OCIAD1: variants seen among roughly 807,000 people sequenced by gnomAD.
OCIAD1 encodes OCIA domain containing 1, also known as OCIA domain-containing protein 1.
Under a neutral mutation model 38.9 loss-of-function variants are expected in OCIAD1, and 29 were observed. The observed-to-expected ratio is 0.74, with a 90% CI of 0.55 to 1.02. The LOEUF is 1.02. Among genes scored for constraint, OCIAD1 ranks in the 50% least tolerant of loss-of-function variants. The pLI is 0.00. For missense variants in OCIAD1, 288 were observed against 289.6 expected, an observed-to-expected ratio of 0.99 and a Z score of 0.04; for synonymous variants, 110 against 92.0, an observed-to-expected ratio of 1.20 and a Z score of -1.12.
Position 48,831,605 on chromosome 4 carries a change from C to T in OCIAD1, c.-6+356C>T, listed in dbSNP as rs371548436. ...TGTAAAGAACTTAAAATGGTATTGT[C>T]TTAAGCGCCGTGTCAGCCCTGACAG... On this transcript the variant is annotated intron_variant, in intron 1 of 8. Transcript: ENST00000264312. 137 of 1,228,954 alleles carry T rather than the reference C, an allele frequency of 1.1e-4. 2 individuals carry two copies. The African/African-American group carries it at 2.0e-3, about 18-fold the overall frequency. The allele number at this position is 1,228,954 out of a possible 1,614,324, so 76.1% of individuals were successfully genotyped here.
chr4:48,805,799 A>G (rs1203204928), intron 1 of OCIAD1, among the ~76,000 whole-genome samples: 1 of 152,188 alleles, frequency 6.6e-6, no homozygotes, highest in African/African-American at 2.4e-5. Context: ...AATGCTGAGC[A>G]ATTTTATTTT....
intron 3 of OCIAD1, among the ~76,000 whole-genome samples, chr4:48,834,301 A>G (rs895911128): frequency 2.0e-5 from 3 of 152,120 alleles, no homozygotes; most frequent in African/African-American, 7.2e-5. Context: ...CCTCCTGAGT[A>G]GCTGGGATTA....
rs1392962984 is a variant in OCIAD1 at position 48,861,661 on chromosome 4, G to A, written c.*899G>A. Reference sequence around the variant, plus strand: ...TGGTCACACCACTGAACTCCAGCCTGTGCGACTGAGTGAGACCCTGTGTCT... The same window carrying A: ...TGGTCACACCACTGAACTCCAGCCTATGCGACTGAGTGAGACCCTGTGTCT... On this transcript the variant is annotated 3_prime_UTR_variant, in exon 9 of 9. Transcript: ENST00000264312. 6.6e-6 allele frequency: 1 copy of A among 152,186 alleles called. No homozygotes were observed. The highest frequency in any genetic ancestry group is 1.5e-5 in the Non-Finnish European group (1 of 68,048). The allele number at this position is 152,186 out of a possible 1,614,324, so 9.4% of individuals were successfully genotyped here.
intron 7 of OCIAD1, among the ~76,000 whole-genome samples, chr4:48,854,489 A>G (rs1425957435): frequency 6.6e-6 from 1 of 152,234 alleles, no homozygotes; most frequent in Admixed American, 6.5e-5. Context: ...ACTGTATTCT[A>G]GACATGCACT....
chr4:48,813,835 C>T (rs1560406897), intron 1 of OCIAD1, among the ~76,000 whole-genome samples: 2 of 152,042 alleles, frequency 1.3e-5, no homozygotes, highest in East Asian at 3.9e-4. Context: ...AAGAGGAGCT[C>T]GTGAATAACT....
chr4:48,837,283 T>G (rs948104908), intron 3 of OCIAD1: 1 of 151,358 alleles, frequency 6.6e-6, no homozygotes, highest in African/African-American at 2.4e-5. Context: ...TTTTGTTTTT[T>G]TTTCTTTTTT....
rs543339572 is a variant in OCIAD1 at position 48,838,233 on chromosome 4, G to A, written c.140-4403G>A. 5.9e-5 allele frequency among the ~76,000 whole-genome samples: 9 copies of A among 151,552 alleles called. No homozygotes were observed. The East Asian group carries it at 9.7e-4, about 16-fold the overall frequency. On this transcript the variant is annotated intron_variant, in intron 3 of 8. Coordinates refer to ENST00000264312, the MANE Select transcript of OCIAD1 (RefSeq NM_017830.4). ...CTCGAGAGGCTGAGACAGGAGAATC[G>A]CTTGAACCCGGGAGGCAGAGGTTGC...
intron 7 of OCIAD1, among the ~76,000 whole-genome samples, chr4:48,855,037 A>C (rs1779896825): frequency 6.6e-6 from 1 of 152,224 alleles, no homozygotes. Context: ...AATTCTCCCC[A>C]GTCTTCTTCT....
In OCIAD1 at chr4:48,859,951, ATG is replaced by A. The variant is rs1780453028; in HGVS notation, c.701-771_701-770del. 2.6e-5 allele frequency among the ~76,000 whole-genome samples: 4 copies of A among 152,336 alleles called. 1 individual carries two copies. In the South Asian group the frequency reaches 8.3e-4, roughly 32 times the overall value. On this transcript the variant is annotated intron_variant, in intron 8 of 8. Transcript: ENST00000264312. ...AATGAGAGCAAGGGGAAAAGGCAAA[ATG>A]TGAAACATAAGGATATATAATGTCT... is the stretch of plus-strand genomic sequence containing the variant.
intron 5 of OCIAD1, chr4:48,848,692 T>C (rs1481279313): frequency 1.8e-5 from 5 of 275,834 alleles, no homozygotes; most frequent in Non-Finnish European, 3.3e-5. Context: ...TTTAAAATTA[T>C]TTTGTAAGGA....
rs573936079 is a variant in OCIAD1, at chr4:48,831,611, C to G, written c.-6+362C>G. 4 of 1,194,846 alleles carry G rather than the reference C, an allele frequency of 3.3e-6. No individual in the cohort carries two copies. In the Admixed American group the frequency reaches 6.9e-5, roughly 21 times the overall value. 74.0% of individuals were successfully genotyped at this position (1,194,846 alleles called of 1,614,324 possible). On this transcript the variant is annotated intron_variant, in intron 1 of 8. Transcript: ENST00000264312. ...GAACTTAAAATGGTATTGTCTTAAG[C>G]GCCGTGTCAGCCCTGACAGTCTTCC...
intron 1 of OCIAD1, among the ~76,000 whole-genome samples, chr4:48,805,591 G>T (rs931832420): frequency 1.3e-5 from 2 of 151,952 alleles, no homozygotes; most frequent in African/African-American, 4.8e-5. Flanking sequence ...GCTACTCAGG[G>T]GAGGATCACT....
chr4:48,823,717 C>CA (rs1473152072), intron 1 of OCIAD1, among the ~76,000 whole-genome samples: 12 of 150,602 alleles, frequency 8.0e-5, no homozygotes, highest in Non-Finnish European at 1.3e-4. Flanking sequence ...GGCTGGAGTG[C>CA]AGTGGCATTA....
chr4:48,860,829 G>A lies in OCIAD1; in HGVS notation c.*67G>A. ...TTCATCTAGGTGGTCATGATTACCT[G>A]CATGCTTTGAGCTCAGCAGCAGTCT... On this transcript the variant is annotated 3_prime_UTR_variant, in exon 9 of 9. Coordinates refer to ENST00000264312, the MANE Select transcript of OCIAD1 (RefSeq NM_017830.4). 2 of 1,126,888 alleles carry A rather than the reference G, an allele frequency of 1.8e-6. No individual in the cohort carries two copies. Among genetic ancestry groups the A allele is most frequent in the Non-Finnish European group, 1.3e-6 (1 of 743,800 alleles). 69.8% of individuals were successfully genotyped at this position (1,126,888 alleles called of 1,614,324 possible). A position where few individuals can be genotyped will look rare whatever the true frequency, so the allele number is the denominator to read the frequency against.
intron 1 of OCIAD1, among the ~76,000 whole-genome samples, chr4:48,821,523 G>T (rs1214172618): frequency 6.6e-6 from 1 of 152,058 alleles, no homozygotes; most frequent in Non-Finnish European, 1.5e-5. Context: ...CCTATTTAAC[G>T]TAGTATTGGA....
intron 1 of OCIAD1, among the ~76,000 whole-genome samples, chr4:48,805,865 A>G (rs944597033): frequency 7.9e-5 from 12 of 152,220 alleles, no homozygotes; most frequent in African/African-American, 2.7e-4. Context: ...TAAATTAATG[A>G]TCTCTAGAAA....
At chr4:48,807,134 T>C (rs1247618810) in intron 1 of OCIAD1, among the ~76,000 whole-genome samples, 2 of 152,014 alleles carry the variant, frequency 1.3e-5, no homozygotes, top group South Asian at 4.1e-4. Flanking sequence ...CTCAAACTTG[T>C]AGCCTCAAGT....
chr4:48,827,718 T>C (rs1777264216), upstream of OCIAD1, among the ~76,000 whole-genome samples: 1 of 152,206 alleles, frequency 6.6e-6, no homozygotes, highest in Admixed American at 6.5e-5. Flanking sequence ...TGCTGAGAAA[T>C]TAGGGGGCAA....
chr4:48,841,429 A>G (rs1778524211), intron 3 of OCIAD1, among the ~76,000 whole-genome samples: 2 of 152,214 alleles, frequency 1.3e-5, no homozygotes, highest in Admixed American at 6.5e-5. Flanking sequence ...TTCTCTTCCC[A>G]GGGAGTGTAA....
Sources: allele counts gnomAD v4.1 joint callset (sites outside exome capture counted in the v4.1 genomes callset), GRCh38; gene constraint gnomAD v4.1.1; transcripts MANE v1.5; gene names NCBI Gene and HGNC (gene_info 2026-07-23, HGNC 2026-07-21).